Variants in SLC17A1 observed in about 807,000 individuals in gnomAD.
SLC17A1 encodes sodium-dependent phosphate transport protein 1.
In SLC17A1, 51 loss-of-function variants were observed where a neutral mutation model predicts 53.5. The ratio of observed to expected loss-of-function variants is 0.95; its 90% CI spans 0.76 to 1.20. The LOEUF is 1.20. Ranked by LOEUF, SLC17A1 falls within the 50% of genes most tolerant of loss-of-function variation. The pLI is 0.00. For synonymous variants in SLC17A1, 179 were observed against 198.8 expected, an observed-to-expected ratio of 0.90 and a Z score of 0.84; for missense variants, 538 against 568.2, an observed-to-expected ratio of 0.95 and a Z score of 0.54.
At chr6:25,784,854 A>C (rs987107543) in intron 12 of SLC17A1, among the ~76,000 whole-genome samples, 2 of 152,232 alleles carry the variant, frequency 1.3e-5, no homozygotes, top group Admixed American at 6.5e-5. Context: ...ATCACGAACA[A>C]GACAAAGATG....
chr6:25,795,962 A>G (rs1763594106), intron 12 of SLC17A1, among the ~76,000 whole-genome samples: 1 of 152,218 alleles, frequency 6.6e-6, no homozygotes, highest in African/African-American at 2.4e-5. Flanking sequence ...AAATGGATAG[A>G]AATAATAATG....
At chr6:25,821,550 A>G (rs1764562524) in intron 3 of SLC17A1, among the ~76,000 whole-genome samples, 1 of 152,182 alleles carries the variant, frequency 6.6e-6, no homozygotes, top group Admixed American at 6.5e-5. Flanking sequence ...ACCCTTACCC[A>G]TATCAGGTGG....
chr6:25,815,006 C>G (rs1264448360), intron 6 of SLC17A1, among the ~76,000 whole-genome samples: 1 of 149,582 alleles, frequency 6.7e-6, no homozygotes, highest in Non-Finnish European at 1.5e-5. Context: ...CACACACACA[C>G]ACACACACAC....
the SLC17A1 span, among the ~76,000 whole-genome samples, chr6:25,758,999 C>T: frequency 3.9e-5 from 6 of 152,082 alleles, no homozygotes; most frequent in African/African-American, 9.7e-5. Flanking sequence ...GGTTATGTCA[C>T]GGTTGTCGTT....
the SLC17A1 span, chr6:25,777,104 A>G: frequency 1.1e-6 from 1 of 913,176 alleles, no homozygotes; most frequent in Non-Finnish European, 1.6e-6. Context: ...CATCTAAATA[A>G]TTCCTGGAAG....
intron 8 of SLC17A1, among the ~76,000 whole-genome samples, chr6:25,812,209 T>C (rs73383248): frequency 0.025 from 3,849 of 152,280 alleles, 141 homozygotes; most frequent in African/African-American, 0.085. Flanking sequence ...AAGACCTTAC[T>C]GGTATGCCAG....
At chr6:25,802,640 T>C (rs1003558353) in intron 10 of SLC17A1, among the ~76,000 whole-genome samples, 2 of 152,180 alleles carry the variant, frequency 1.3e-5, no homozygotes, top group Non-Finnish European at 1.5e-5. Context: ...TATAGACTTC[T>C]AGGTTAACAG....
the SLC17A1 span, chr6:25,727,144 C>T: frequency 3.7e-6 from 6 of 1,614,170 alleles, no homozygotes; most frequent in South Asian, 1.1e-5. Flanking sequence ...GCGAGCGAGG[C>T]ATCACGTTTG....
downstream of SLC17A1, chr6:25,779,412 C>T: frequency 2.1e-6 from 1 of 484,980 alleles, no homozygotes; most frequent in South Asian, 3.3e-5. Context: ...TCTGTGTTCT[C>T]CACTCTTCCA....
chr6:25,750,155 G>A, the SLC17A1 span, among the ~76,000 whole-genome samples: 2 of 152,204 alleles, frequency 1.3e-5, no homozygotes, highest in East Asian at 1.9e-4. Flanking sequence ...CTTCAGGGAT[G>A]GGATAGGAGC....
chr6:25,766,505 A>G, the SLC17A1 span, among the ~76,000 whole-genome samples: 1 of 152,206 alleles, frequency 6.6e-6, no homozygotes, highest in Non-Finnish European at 1.5e-5. Context: ...CATACAAAAA[A>G]TTAAAAGGAG....
chr6:25,740,502 C>G, the SLC17A1 span, among the ~76,000 whole-genome samples: 13 of 151,720 alleles, frequency 8.6e-5, no homozygotes, highest in African/African-American at 2.4e-4. Context: ...AATAAATAAC[C>G]GTAGGGGTGG....
rs1484801428 is a variant in SLC17A1, at chr6:25,819,536, G to T, written c.504C>A (p.Gly168=). 6.2e-7 allele frequency: 1 copy of T among 1,613,864 alleles called. No homozygotes were observed. Among genetic ancestry groups the T allele is most frequent in the Admixed American group, 1.7e-5 (1 of 60,016 alleles). The change falls in exon 5 of 13, where the codon GGC becomes GGA. Residue 168 remains glycine, a synonymous_variant. Transcript: ENST00000244527. The stretch of plus-strand genomic sequence containing the variant: ...CTGATGTACTCATAGAAGTAAGTCG[G>T]CCTCGTTCCAGGGGAGGAGCCCATT... The part of the protein sequence containing the change: ...YVKWAPPLER[G]RLTSMSTSGF...
chr6:25,724,350 G>T, the SLC17A1 span, among the ~76,000 whole-genome samples: 4 of 152,186 alleles, frequency 2.6e-5, no homozygotes, highest in South Asian at 8.3e-4. Flanking sequence ...TTGAACCTGG[G>T]AGCTGGAGGT....
rs566915145 is a variant in SLC17A1, at chr6:25,812,866, A to T, written c.862T>A (p.Phe288Ile). 6.2e-7 allele frequency: 1 copy of T among 1,612,638 alleles called. No homozygotes were observed. Among genetic ancestry groups the T allele is most frequent in the African/African-American group, 1.3e-5 (1 of 75,008 alleles). Residue 288 changes from phenylalanine to isoleucine, a missense_variant, in exon 8 of 13, where the codon TTT becomes ATT. Transcript: ENST00000244527. ...HNIMTLYTPM[F>I]INSMLHVNIK... is the part of the protein sequence containing the mutation. ...TTAACATGAAGCATGGAGTTGATAAACATTGGAGTGTATAGTGTCATGATG... is the reference window on the plus strand; with the variant it reads ...TTAACATGAAGCATGGAGTTGATAATCATTGGAGTGTATAGTGTCATGATG...
the SLC17A1 span, chr6:25,762,176 A>G: frequency 1.4e-6 from 1 of 732,222 alleles, no homozygotes; most frequent in South Asian, 2.0e-5. Flanking sequence ...TTTCCTTGCT[A>G]CCACCAATTG....
chr6:25,805,169 A>G (rs1191144724), intron 10 of SLC17A1, among the ~76,000 whole-genome samples: 1 of 152,046 alleles, frequency 6.6e-6, no homozygotes, highest in East Asian at 1.9e-4. Context: ...AAAATTGATC[A>G]AGTATCTTAT....
chr6:25,799,414 T>C (rs1046448972), intron 11 of SLC17A1, among the ~76,000 whole-genome samples: 1 of 152,180 alleles, frequency 6.6e-6, no homozygotes, highest in African/African-American at 2.4e-5. Context: ...TGGATTCGTT[T>C]TGAAGAGAAT....
At chr6:25,727,250 T>A in the SLC17A1 span, 3 of 1,612,410 alleles carry the variant, frequency 1.9e-6, no homozygotes, top group Non-Finnish European at 2.5e-6. Context: ...ATGCTGTGTC[T>A]GAGGGCACCA....
Sources: gnomAD v4.1 joint callset for allele counts (sites outside exome capture counted in the v4.1 genomes callset) on GRCh38, gnomAD v4.1.1 for gene constraint, MANE v1.5 for transcripts, NCBI Gene and HGNC (gene_info 2026-07-23, HGNC 2026-07-21) for gene names.